Variants in CDH13 observed in about 807,000 individuals in gnomAD.
CDH13 encodes cadherin 13.
In CDH13, 24 loss-of-function variants were observed where a neutral mutation model predicts 63.8. The ratio of observed to expected loss-of-function variants is 0.38; its 90% CI spans 0.27 to 0.53. The LOEUF is 0.53. Among genes scored for constraint, CDH13 ranks in the 20% least tolerant of loss-of-function variants. CDH13 has a pLI of 0.85. For missense variants in CDH13, 1,049 were observed against 903.1 expected, an observed-to-expected ratio of 1.16 and a Z score of -2.07; for synonymous variants, 503 against 355.3, an observed-to-expected ratio of 1.42 and a Z score of -4.67.
intron 2 of CDH13, among the ~76,000 whole-genome samples, chr16:83,000,227 T>A (rs1447106289): frequency 4.6e-4 from 30 of 64,840 alleles, no homozygotes; most frequent in South Asian, 4.2e-3. Flanking sequence ...TAGCTTATTT[T>A]TTTTTTTTTT....
At chr16:83,360,363 C>G (rs1277189158) in intron 6 of CDH13, among the ~76,000 whole-genome samples, 1 of 152,044 alleles carries the variant, frequency 6.6e-6, no homozygotes, top group Non-Finnish European at 1.5e-5. Context: ...CAGCAGGGCT[C>G]AATATATGGG....
chr16:83,414,521 C>T (rs1250995308), intron 6 of CDH13, among the ~76,000 whole-genome samples: 1 of 151,966 alleles, frequency 6.6e-6, no homozygotes, highest in African/African-American at 2.4e-5. Context: ...TGCTAGAACC[C>T]CTTCATCTTG....
chr16:83,447,152 C>T (rs1298617753), intron 6 of CDH13, among the ~76,000 whole-genome samples: 20 of 112,264 alleles, frequency 1.8e-4, no homozygotes, highest in African/African-American at 6.2e-4. Flanking sequence ...CGGTGGCTCA[C>T]GCCTGTAATC....
chr16:82,934,619 T>G (rs1262943074), intron 2 of CDH13, among the ~76,000 whole-genome samples: 2 of 152,218 alleles, frequency 1.3e-5, no homozygotes, highest in Non-Finnish European at 2.9e-5. Context: ...TTGCAAATTT[T>G]CCAAACTTAT....
At chr16:82,743,281 C>A (rs577724897) in intron 1 of CDH13, among the ~76,000 whole-genome samples, 3 of 152,288 alleles carry the variant, frequency 2.0e-5, no homozygotes, top group African/African-American at 7.2e-5. Flanking sequence ...GGCTGGAGCG[C>A]GGTGGCACTC....
chr16:83,422,072 A>G (rs1405884609), intron 6 of CDH13, among the ~76,000 whole-genome samples: 1 of 152,330 alleles, frequency 6.6e-6, no homozygotes, highest in African/African-American at 2.4e-5. Context: ...TTAAGAATCA[A>G]TCATACAGAA....
chr16:82,900,440 A>G (rs1270488538), intron 2 of CDH13, among the ~76,000 whole-genome samples: 1 of 135,324 alleles, frequency 7.4e-6, no homozygotes, highest in Non-Finnish European at 1.6e-5. Flanking sequence ...GGGATGATAC[A>G]GACAAGACAG....
At chr16:83,561,569 G>A (rs2075709556) in intron 7 of CDH13, among the ~76,000 whole-genome samples, 1 of 152,102 alleles carries the variant, frequency 6.6e-6, no homozygotes, top group Non-Finnish European at 1.5e-5. Flanking sequence ...CATTTATTGA[G>A]TATTTACTAG....
intron 7 of CDH13, among the ~76,000 whole-genome samples, chr16:83,496,196 C>A (rs971765947): frequency 2.6e-5 from 4 of 151,782 alleles, no homozygotes; most frequent in Non-Finnish European, 5.9e-5. Flanking sequence ...GAGCCCGCAT[C>A]GCCAAGTCAA....
intron 6 of CDH13, among the ~76,000 whole-genome samples, chr16:83,457,939 G>C (rs544040280): frequency 1.3e-5 from 2 of 152,150 alleles, no homozygotes; most frequent in Non-Finnish European, 2.9e-5. Flanking sequence ...AACCCTCATC[G>C]GACATACGCA....
intron 2 of CDH13, among the ~76,000 whole-genome samples, chr16:83,014,541 C>G (rs1914493357): frequency 6.6e-6 from 1 of 150,714 alleles, no homozygotes; most frequent in Non-Finnish European, 1.5e-5. Flanking sequence ...GAAGACCAGC[C>G]TGGCCAACAT....
chr16:83,742,988 G>C (rs528927493), intron 10 of CDH13, among the ~76,000 whole-genome samples: 1 of 152,112 alleles, frequency 6.6e-6, no homozygotes, highest in Non-Finnish European at 1.5e-5. Context: ...CAGGTGGATC[G>C]CTTGAGGTCA....
At chr16:83,673,914 C>G (rs898277746) in intron 9 of CDH13, among the ~76,000 whole-genome samples, 8 of 152,200 alleles carry the variant, frequency 5.3e-5, no homozygotes, top group Non-Finnish European at 1.2e-4. Flanking sequence ...CTCTTGCTGA[C>G]TTCAGCTTTG....
At chr16:83,631,865 C>G (rs1910807190) in intron 8 of CDH13, among the ~76,000 whole-genome samples, 1 of 152,170 alleles carries the variant, frequency 6.6e-6, no homozygotes, top group Non-Finnish European at 1.5e-5. Context: ...CTCTGCTTGA[C>G]CAAACCACGC....
chr16:83,546,752 T>C (rs114162095), intron 7 of CDH13, among the ~76,000 whole-genome samples: 1,699 of 152,262 alleles, frequency 0.011, 35 homozygotes, highest in African/African-American at 0.038. Flanking sequence ...ATAACAGCAG[T>C]GCCCTTCCAT....
rs377351292 is a variant in CDH13, at chr16:82,882,440, C to T, written c.157+23967C>T. 1.3e-4 allele frequency among the ~76,000 whole-genome samples: 20 copies of T among 152,300 alleles called. No homozygotes were observed. The South Asian group carries it at 3.5e-3, about 27-fold the overall frequency. On this transcript the variant is annotated intron_variant, in intron 2 of 13. Transcript: ENST00000567109. Reference sequence around the variant, plus strand: ...CCAATGACCACCAGCATTGCAAACCCGTACACATGCGTATCAGGCAGACCT... The same window carrying T: ...CCAATGACCACCAGCATTGCAAACCTGTACACATGCGTATCAGGCAGACCT...
intron 7 of CDH13, among the ~76,000 whole-genome samples, chr16:83,586,060 G>C (rs1906124732): frequency 1.3e-5 from 2 of 152,198 alleles, no homozygotes; most frequent in African/African-American, 4.8e-5. Context: ...CCCACCTAAA[G>C]GGTTGAATAC....
chr16:83,542,532 A>T (rs1424239233), intron 7 of CDH13, among the ~76,000 whole-genome samples: 1 of 152,200 alleles, frequency 6.6e-6, no homozygotes, highest in Non-Finnish European at 1.5e-5. Context: ...AGCATCATAA[A>T]CTAAGTGGCT....
At chr16:83,162,325 T>C (rs910852367) in intron 4 of CDH13, among the ~76,000 whole-genome samples, 7 of 152,122 alleles carry the variant, frequency 4.6e-5, no homozygotes, top group Admixed American at 4.6e-4. Context: ...TTCATGATGA[T>C]GAAAGCATCA....
Sources: allele counts gnomAD v4.1 joint callset (sites outside exome capture counted in the v4.1 genomes callset), GRCh38; gene constraint gnomAD v4.1.1; transcripts MANE v1.5; gene names NCBI Gene and HGNC (gene_info 2026-07-23, HGNC 2026-07-21).